The following CSMD1 variants were observed in gnomAD, a reference collection of about 807,000 sequenced individuals.
CSMD1 encodes CUB and sushi domain-containing protein 1.
Under a neutral mutation model 417.5 loss-of-function variants are expected in CSMD1, and 213 were observed. The ratio of observed to expected loss-of-function variants is 0.51; its 90% CI spans 0.46 to 0.57. CSMD1 has a LOEUF of 0.57. CSMD1 is among the 20% of genes least tolerant of loss of function. The pLI is 0.00. For synonymous variants in CSMD1, 2,862 were observed against 1,736.8 expected (o/e 1.65, Z -16.11); for missense variants, 6,923 against 4,529.7 (o/e 1.53, Z -15.17).
chr8:2,963,951 G>A (rs1803722316), intron 59 of CSMD1, among the ~76,000 whole-genome samples: 1 of 152,200 alleles, frequency 6.6e-6, no homozygotes, highest in South Asian at 2.1e-4. Flanking sequence ...GGAGCCTGAT[G>A]TCCACTTTAT....
intron 49 of CSMD1, among the ~76,000 whole-genome samples, chr8:3,065,463 AG>A (rs1812879955): frequency 6.6e-6 from 1 of 152,194 alleles, no homozygotes; most frequent in Admixed American, 6.5e-5. Flanking sequence ...AGATATAGAT[AG>A]AAAAATGATA....
chr8:4,306,737 C>A (rs1019050747), intron 3 of CSMD1, among the ~76,000 whole-genome samples: 2 of 152,002 alleles, frequency 1.3e-5, no homozygotes, highest in African/African-American at 4.8e-5. Flanking sequence ...AAATGAGTGC[C>A]CGACCGCAGC....
At chr8:3,140,085 G>C (rs1211606056) in intron 41 of CSMD1, among the ~76,000 whole-genome samples, 1 of 151,922 alleles carries the variant, frequency 6.6e-6, no homozygotes, top group Non-Finnish European at 1.5e-5. Flanking sequence ...GGTATTTTTA[G>C]TAGAGATGTG....
At chr8:3,683,878 A>G (rs114934667) in intron 7 of CSMD1, among the ~76,000 whole-genome samples, 2,167 of 152,058 alleles carry the variant, frequency 0.014, 49 homozygotes, top group African/African-American at 0.049. Flanking sequence ...CAGTTTGCTT[A>G]TTTTTATTTG....
chr8:4,885,159 A>G (rs151293747), intron 1 of CSMD1, among the ~76,000 whole-genome samples: 2 of 152,220 alleles, frequency 1.3e-5, no homozygotes, highest in African/African-American at 4.8e-5. Context: ...TAGAATTACA[A>G]TTGATTTGTC....
intron 41 of CSMD1, among the ~76,000 whole-genome samples, chr8:3,136,151 G>C (rs1308040206): frequency 1.3e-5 from 2 of 151,924 alleles, no homozygotes; most frequent in African/African-American, 4.8e-5. Flanking sequence ...ATGGAGTCCG[G>C]GTTAGTCCTA....
At chr8:4,752,924 C>T (rs1811426459) in intron 1 of CSMD1, among the ~76,000 whole-genome samples, 1 of 152,150 alleles carries the variant, frequency 6.6e-6, no homozygotes, top group Non-Finnish European at 1.5e-5. Flanking sequence ...TACAGGGCTT[C>T]CCAGTGGCGT....
Position 4,951,978 on chromosome 8 carries a change from T to C in CSMD1, c.85+42354A>G, listed in dbSNP as rs975479720. On this transcript the variant is annotated intron_variant, in intron 1 of 69. Coordinates refer to ENST00000635120, the MANE Select transcript of CSMD1 (RefSeq NM_033225.6). The stretch of plus-strand genomic sequence containing the variant: ...GGTGACTCCTTCAGAGCCAAGCTTC[T>C]AAACATAGTTTATCTTAAAAGGTTT... Among the ~76,000 whole-genome samples the C allele has an allele frequency of 2.0e-5, 3 of 151,546 alleles. No individual in the cohort carries two copies. The Middle Eastern group carries it at 0.01, about 523-fold the overall frequency.
rs1283555897 is a variant in CSMD1 at position 3,097,002 on chromosome 8, A to C, written c.6985T>G (p.Ser2329Ala). The C allele has an allele frequency of 1.3e-6, 2 of 1,555,630 alleles. No homozygotes were observed. The highest frequency in any genetic ancestry group is 8.7e-7 in the Non-Finnish European group (1 of 1,148,866). The change falls in exon 47 of 70, where the codon TCG becomes GCG. Residue 2329 changes from serine to alanine, a missense_variant. Physicochemically the swap from Ser to Ala is moderately conservative, Grantham distance 99. Coordinates refer to ENST00000635120, the MANE Select transcript of CSMD1 (RefSeq NM_033225.6). ...CPANEVRTGS[S>A]GVILSPGYPG... The stretch of plus-strand genomic sequence containing the variant: ...TACCCTGGACTGAGAATGACTCCCG[A>C]TGATCCAGTCCGGACTTCATTTGCT...
At chr8:3,256,391 G>A (rs1038026155) in intron 26 of CSMD1, among the ~76,000 whole-genome samples, 1 of 151,970 alleles carries the variant, frequency 6.6e-6, no homozygotes, top group East Asian at 1.9e-4. Context: ...GCAGTAGGCA[G>A]ACACTGTGCC....
chr8:3,406,938 A>T (rs1417165146), intron 14 of CSMD1, among the ~76,000 whole-genome samples: 2 of 152,194 alleles, frequency 1.3e-5, no homozygotes, highest in Non-Finnish European at 2.9e-5. Context: ...ATCATATTAC[A>T]CAGTTGTTTT....
At chr8:4,109,109 C>T (rs538671362) in intron 3 of CSMD1, among the ~76,000 whole-genome samples, 57 of 152,212 alleles carry the variant, frequency 3.7e-4, no homozygotes, top group Admixed American at 1.6e-3. Context: ...TACATTAAAT[C>T]ATCTCTAGAT....
chr8:4,804,414 C>T (rs1476610525), intron 1 of CSMD1, among the ~76,000 whole-genome samples: 1 of 151,280 alleles, frequency 6.6e-6, no homozygotes, highest in East Asian at 1.9e-4. Flanking sequence ...GCTTTCTATG[C>T]AATTACTGAA....
chr8:3,932,602 C>T (rs138839680), intron 5 of CSMD1, among the ~76,000 whole-genome samples: 1 of 150,614 alleles, frequency 6.6e-6, no homozygotes, highest in Non-Finnish European at 1.5e-5. Flanking sequence ...AATCCACAAA[C>T]AGTATCATAT....
chr8:4,032,223 T>C (rs1797386047), intron 3 of CSMD1, 124 bp from the exon 4 acceptor site: 5 of 647,248 alleles, frequency 7.7e-6, no homozygotes, highest in East Asian at 2.8e-5. Flanking sequence ...ATCAGAAAAA[T>C]ATTAATTGTT....
intron 10 of CSMD1, among the ~76,000 whole-genome samples, chr8:3,568,155 A>G (rs906734948): frequency 2.9e-4 from 44 of 152,210 alleles, no homozygotes; most frequent in Non-Finnish European, 4.3e-4. Context: ...AATTCATATG[A>G]AAGTCTTTTT....
At chr8:3,138,051 C>A (rs1421345910) in intron 41 of CSMD1, among the ~76,000 whole-genome samples, 1 of 152,074 alleles carries the variant, frequency 6.6e-6, no homozygotes, top group Non-Finnish European at 1.5e-5. Context: ...ATGGGTGAAA[C>A]CCTGTCTCTA....
intron 1 of CSMD1, among the ~76,000 whole-genome samples, chr8:4,716,035 C>A (rs1808632253): frequency 6.6e-6 from 1 of 152,158 alleles, no homozygotes; most frequent in Non-Finnish European, 1.5e-5. Context: ...GATTCCAAAG[C>A]CAACCAATAG....
At chr8:4,495,150 G>A (rs908452814) in intron 2 of CSMD1, among the ~76,000 whole-genome samples, 1 of 152,074 alleles carries the variant, frequency 6.6e-6, no homozygotes, top group South Asian at 2.1e-4. Context: ...AAGTGAGGTA[G>A]GAACCGGGAC....
Sources: gnomAD v4.1 joint callset for allele counts (sites outside exome capture counted in the v4.1 genomes callset) on GRCh38, gnomAD v4.1.1 for gene constraint, MANE v1.5 for transcripts, NCBI Gene and HGNC (gene_info 2026-07-23, HGNC 2026-07-21) for gene names.